The following CAMKK1 variants were observed in gnomAD, a reference collection of about 807,000 sequenced individuals.
The protein encoded by CAMKK1 is calcium/calmodulin-dependent protein kinase kinase 1.
In CAMKK1, 20 loss-of-function variants were observed where a neutral mutation model predicts 63.5. The ratio of observed to expected loss-of-function variants is 0.32; its 90% CI spans 0.22 to 0.46. The LOEUF is 0.46. Ranked by LOEUF, CAMKK1 falls within the 20% of genes least tolerant of loss-of-function variation. The pLI is 1.00. For missense variants in CAMKK1, 588 were observed against 658.1 expected, an observed-to-expected ratio of 0.89 and a Z score of 1.17; for synonymous variants, 253 against 269.0, an observed-to-expected ratio of 0.94 and a Z score of 0.58.
At position 3,883,035 on chromosome 17, in the gene CAMKK1, C is replaced by G. The variant is rs201386596; in HGVS notation, c.648+7G>C. The G allele has an allele frequency of 6.2e-7, 1 of 1,613,790 alleles. No individual in the cohort carries two copies. Among genetic ancestry groups the G allele is most frequent in the African/African-American group, 1.3e-5 (1 of 75,044 alleles). ...CTGGTTCCCACCTGCTCACCACCAC[C>G]CCCTACCTCGATCAGTTTGACCACA... On this transcript the variant is annotated splice_region_variant and intron_variant, in intron 6 of 15. Transcript: ENST00000348335. This position sits in a 1 kb window ranked among gnomAD's most constrained non-coding sequence, Gnocchi z 4.7.
At chr17:3,880,457 G>A (rs748229139) in intron 8 of CAMKK1, 23 bp from the exon 9 acceptor site, 3 of 1,601,298 alleles carry the variant, frequency 1.9e-6, no homozygotes, top group South Asian at 2.2e-5. Context: ...ATGCGGGGAG[G>A]GGCATTCAGC....
At position 3,861,860 on chromosome 17, in the gene CAMKK1, C is replaced by G. The variant is rs557162095; in HGVS notation, c.*351G>C. On this transcript the variant is annotated 3_prime_UTR_variant, in exon 16 of 16. Coordinates refer to ENST00000348335, the MANE Select transcript of CAMKK1 (RefSeq NM_032294.3). The stretch of plus-strand genomic sequence containing the variant: ...TGTGGTAAGCCTGGCCTCCACCTGC[C>G]ATCTTGGTCTCCTGCCTCTGCCTCC... The G allele has an allele frequency of 3.1e-6, 1 of 321,798 alleles. No homozygotes were observed. Among genetic ancestry groups the G allele is most frequent in the Non-Finnish European group, 5.9e-6 (1 of 168,340 alleles). The allele number at this position is 321,798 out of a possible 1,614,324, so 19.9% of individuals were successfully genotyped here.
In CAMKK1 at chr17:3,882,484, C is replaced by A; in HGVS notation, c.685+44G>T. On this transcript the variant is annotated intron_variant, in intron 7 of 15. Coordinates refer to ENST00000348335, the MANE Select transcript of CAMKK1 (RefSeq NM_032294.3). This position sits in a 1 kb window ranked among gnomAD's most constrained non-coding sequence, Gnocchi z 4.3. ...TACATGTCCCAAGGGAGCCCTTGGG[C>A]CAGCCCTGAGTGAGCTGCTGTGGGA... 1 of 1,600,150 alleles carries A rather than the reference C, an allele frequency of 6.2e-7. No homozygotes were observed. The highest frequency in any genetic ancestry group is 8.5e-7 in the Non-Finnish European group (1 of 1,171,942).
chr17:3,872,922 C>T (rs900976623), intron 11 of CAMKK1, among the ~76,000 whole-genome samples: 1 of 152,222 alleles, frequency 6.6e-6, no homozygotes, highest in Non-Finnish European at 1.5e-5. Flanking sequence ...GGCCTCCACT[C>T]CCAGGGCCTG....
In CAMKK1 at chr17:3,871,347, G is replaced by GTTTTTTTTTTTTTTTTTTTTTTT. The variant is rs869219931; in HGVS notation, c.1124+1184_1124+1206dup. On this transcript the variant is annotated intron_variant, in intron 12 of 15. Coordinates refer to ENST00000348335, the MANE Select transcript of CAMKK1 (RefSeq NM_032294.3). The stretch of plus-strand genomic sequence containing the variant: ...TGTTGTTTTTTGTTTTTTTTTTTTT[G>GTTTTTTTTTTTTTTTTTTTTTTT]TTTTTTTTTTTTTTTTTTTTTTTTT... Among the ~76,000 whole-genome samples the GTTTTTTTTTTTTTTTTTTTTTTT allele has an allele frequency of 2.5e-4, 26 of 104,364 alleles. 2 individuals carry two copies. Among genetic ancestry groups the GTTTTTTTTTTTTTTTTTTTTTTT allele is most frequent in the Non-Finnish European group, 3.6e-4 (19 of 52,814 alleles). The allele number at this position is 104,364 out of a possible 152,430, so 68.5% of individuals were successfully genotyped here. A position where few individuals can be genotyped will look rare whatever the true frequency, so the allele number is the denominator to read the frequency against.
chr17:3,869,475 C>A lies in CAMKK1; in HGVS notation c.1341+12G>T. Reference sequence around the variant, plus strand: ...CTCCAGGACAAGGGAGCATCTACCCCGGCTCTCTTACCACCGTGGTCCAGC... The same window carrying A: ...CTCCAGGACAAGGGAGCATCTACCCAGGCTCTCTTACCACCGTGGTCCAGC... On this transcript the variant is annotated intron_variant, in intron 14 of 15. Transcript: ENST00000348335. 1.2e-6 allele frequency: 2 copies of A among 1,614,044 alleles called. No homozygotes were observed. The highest frequency in any genetic ancestry group is 1.6e-4 in the Middle Eastern group (1 of 6,062).
At chr17:3,864,468 G>A (rs576329877) in intron 15 of CAMKK1, among the ~76,000 whole-genome samples, 4 of 150,096 alleles carry the variant, frequency 2.7e-5, no homozygotes, top group East Asian at 4.0e-4. Context: ...GGATGGTCTC[G>A]ATCTCCTGAC....
intron 1 of CAMKK1, among the ~76,000 whole-genome samples, chr17:3,886,867 A>G (rs2055676786): frequency 6.6e-6 from 1 of 151,992 alleles, no homozygotes; most frequent in South Asian, 2.1e-4. Context: ...GCCATGCCCA[A>G]CCTGATGCCC....
chr17:3,865,329 G>A (rs933173610), intron 15 of CAMKK1: 14 of 986,702 alleles, frequency 1.4e-5, no homozygotes, highest in African/African-American at 1.7e-5. Flanking sequence ...GTGGTCCACC[G>A]GCCAGCCTGT....
chr17:3,890,618 A>G lies in CAMKK1; in HGVS notation c.-44+2321T>C. The G allele has an allele frequency of 1.3e-6, 1 of 779,324 alleles. No individual in the cohort carries two copies. Among genetic ancestry groups the G allele is most frequent in the Admixed American group, 1.7e-5 (1 of 59,032 alleles). 48.3% of individuals were successfully genotyped at this position (779,324 alleles called of 1,614,324 possible). ...TCCCCATTCTTTCCTGACCCAGGTCAGCAATCCGGGAGCCCTCCTTGTCAC... is the reference window on the plus strand; with the variant it reads ...TCCCCATTCTTTCCTGACCCAGGTCGGCAATCCGGGAGCCCTCCTTGTCAC... On this transcript the variant is annotated intron_variant, in intron 1 of 15. Coordinates refer to ENST00000348335, the MANE Select transcript of CAMKK1 (RefSeq NM_032294.3). The surrounding 1 kb of genome is among the most constrained non-coding windows in gnomAD (Gnocchi z 6.5).
Position 3,884,546 on chromosome 17 carries a change from C to G in CAMKK1, c.361-119G>C. ...GCTCCTCATTCCCGGACCCCCAGGTCTCACCAAGCTTTTGAGTTTGGATGG... is the reference window on the plus strand; with the variant it reads ...GCTCCTCATTCCCGGACCCCCAGGTGTCACCAAGCTTTTGAGTTTGGATGG... On this transcript the variant is annotated intron_variant, in intron 2 of 15. Coordinates refer to ENST00000348335, the MANE Select transcript of CAMKK1 (RefSeq NM_032294.3). The surrounding 1 kb of genome is among the most constrained non-coding windows in gnomAD (Gnocchi z 4.5). The G allele has an allele frequency of 2.3e-6, 2 of 880,688 alleles. No individual in the cohort carries two copies. Among genetic ancestry groups the G allele is most frequent in the Non-Finnish European group, 3.4e-6 (2 of 582,644 alleles). The allele number at this position is 880,688 out of a possible 1,614,324, so 54.6% of individuals were successfully genotyped here.
chr17:3,875,713 C>T (rs962517554), intron 10 of CAMKK1, among the ~76,000 whole-genome samples: 3 of 152,188 alleles, frequency 2.0e-5, no homozygotes, highest in African/African-American at 7.2e-5. Context: ...GACCGTGTAA[C>T]CTCTTGTTCA....
At chr17:3,880,490 T>C in intron 8 of CAMKK1, 56 bp from the exon 9 acceptor site, 1 of 1,440,238 alleles carries the variant, frequency 6.9e-7, no homozygotes, top group Non-Finnish European at 9.7e-7. Flanking sequence ...ACCCGGCCAT[T>C]CAGGTGGTCG....
rs746041300 is a variant in CAMKK1, at chr17:3,882,680, A to G, written c.649-116T>C. The G allele has an allele frequency of 2.0e-6, 2 of 992,170 alleles. No homozygotes were observed. Among genetic ancestry groups the G allele is most frequent in the Non-Finnish European group, 3.1e-6 (2 of 648,092 alleles). 61.5% of individuals were successfully genotyped at this position (992,170 alleles called of 1,614,324 possible). On this transcript the variant is annotated intron_variant, in intron 6 of 15. Transcript: ENST00000348335. The surrounding 1 kb of genome is among the most constrained non-coding windows in gnomAD (Gnocchi z 4.3). ...CTTAGTATGCATGCAACCACCCCAG[A>G]CAAGGAAGCAGGAAGTGTACAGGTG...
At chr17:3,867,668 G>T (rs897389167) in intron 14 of CAMKK1, among the ~76,000 whole-genome samples, 1 of 150,138 alleles carries the variant, frequency 6.7e-6, no homozygotes, top group Non-Finnish European at 1.5e-5. Flanking sequence ...GTAAGCATAG[G>T]GGGCAGGGAT....
In CAMKK1 at chr17:3,885,624, C is replaced by T. The variant is rs750924037; in HGVS notation, c.64G>A (p.Ala22Thr). 6.4e-5 allele frequency: 103 copies of T among 1,613,910 alleles called. No individual in the cohort carries two copies. Among genetic ancestry groups the T allele is most frequent in the Middle Eastern group, 1.6e-4 (1 of 6,084 alleles). Residue 22 changes from alanine to threonine, a missense_variant, in exon 2 of 16, where the codon GCC becomes ACC. By Grantham distance (58) the Ala-to-Thr change is moderately conservative. Transcript: ENST00000348335. ...PRAELVERVA[A>T]IDVTHLEEAD... The stretch of plus-strand genomic sequence containing the variant: ...TCCTCCAAGTGAGTCACATCGATGG[C>T]TGCCACCCGTTCTACCAGCTCTGCC...
At chr17:3,865,289 G>A in intron 15 of CAMKK1, 1 of 986,862 alleles carries the variant, frequency 1.0e-6, no homozygotes, top group Non-Finnish European at 1.2e-6. Flanking sequence ...TCACCATAGG[G>A]AGCCCTCGGC....
At chr17:3,876,785 T>A (rs1227644343) in intron 9 of CAMKK1, among the ~76,000 whole-genome samples, 2 of 134,928 alleles carry the variant, frequency 1.5e-5, no homozygotes, top group African/African-American at 2.8e-5. Flanking sequence ...TGAGACAGAG[T>A]CTCACTCTGT....
chr17:3,886,853 G>T (rs889744212), intron 1 of CAMKK1, among the ~76,000 whole-genome samples: 1 of 152,088 alleles, frequency 6.6e-6, no homozygotes, highest in African/African-American at 2.4e-5. Context: ...CTTGTAGAGC[G>T]CTGGCCATGC....
Sources: gnomAD v4.1 joint callset for allele counts (sites outside exome capture counted in the v4.1 genomes callset) on GRCh38, gnomAD v4.1.1 for gene constraint, Gnocchi (gnomAD v3.1) non-coding constraint, MANE v1.5 for transcripts, NCBI Gene and HGNC (gene_info 2026-07-23, HGNC 2026-07-21) for gene names.